CCDC170: variants seen among roughly 807,000 people sequenced by gnomAD.
The protein encoded by CCDC170 is coiled-coil domain containing 170.
Under a neutral mutation model 72.6 loss-of-function variants are expected in CCDC170, and 69 were observed. The ratio of observed to expected loss-of-function variants is 0.95; its 90% CI spans 0.78 to 1.16. The LOEUF is 1.16. Ranked by LOEUF, CCDC170 falls within the 50% of genes most tolerant of loss-of-function variation. The pLI is 0.00. For synonymous variants in CCDC170, 300 were observed against 303.9 expected, an observed-to-expected ratio of 0.99 and a Z score of 0.13; for missense variants, 852 against 832.5, an observed-to-expected ratio of 1.02 and a Z score of -0.29.
chr6:151,541,361 T>C (rs1187690836), intron 3 of CCDC170, among the ~76,000 whole-genome samples: 1 of 152,132 alleles, frequency 6.6e-6, no homozygotes, highest in Non-Finnish European at 1.5e-5. Flanking sequence ...TCTTTCCAAA[T>C]AGAACATAAG....
rs116819735 is a variant in CCDC170, at chr6:151,561,593, A to G, written c.775-11581A>G. Among the ~76,000 whole-genome samples, 464 of 152,188 alleles carry G rather than the reference A, an allele frequency of 3.0e-3. 1 individual carries two copies. The Middle Eastern group carries it at 0.031, about 10-fold the overall frequency. On this transcript the variant is annotated intron_variant, in intron 5 of 10. Transcript: ENST00000239374. The stretch of plus-strand genomic sequence containing the variant: ...CTGAGAAGTCTACTATTAATTTAAT[A>G]GGTTTTCTTCTCTAGGTAATTTGGC...
chr6:151,564,201 G>C (rs564828511), intron 5 of CCDC170, among the ~76,000 whole-genome samples: 1 of 152,210 alleles, frequency 6.6e-6, no homozygotes, highest in African/African-American at 2.4e-5. Flanking sequence ...TGTGATGTTG[G>C]TTGGGTAGGG....
At chr6:151,505,554 G>A (rs1425014500) in intron 1 of CCDC170, among the ~76,000 whole-genome samples, 1 of 152,036 alleles carries the variant, frequency 6.6e-6, no homozygotes, top group Non-Finnish European at 1.5e-5. Flanking sequence ...CGTGGTGGCT[G>A]GTGCCTGCAG....
Position 151,494,134 on chromosome 6 carries a change from C to T in CCDC170, c.6C>T (p.Ser2=), listed in dbSNP as rs1432994793. 2.0e-6 allele frequency: 3 copies of T among 1,513,398 alleles called. No individual in the cohort carries two copies. Among genetic ancestry groups the T allele is most frequent in the East Asian group, 2.8e-5 (1 of 35,842 alleles). 93.7% of individuals were successfully genotyped at this position (1,513,398 alleles called of 1,614,324 possible). The stretch of plus-strand genomic sequence containing the variant: ...GCCCCCGGGCTCGGGTCGTCATGAG[C>T]CTGGACTGCACCAGCCATATCGCGC... M[S]LDCTSHIALG... is the part of the protein sequence containing the mutation. The change falls in exon 1 of 11, where the codon AGC becomes AGT. Residue 2 remains serine (S), a synonymous_variant. Coordinates refer to ENST00000239374, the MANE Select transcript of CCDC170 (RefSeq NM_025059.4).
chr6:151,509,188 C>A (rs926016781), intron 1 of CCDC170, among the ~76,000 whole-genome samples: 5 of 151,532 alleles, frequency 3.3e-5, no homozygotes, highest in African/African-American at 1.2e-4. Flanking sequence ...CTCTCTCCCC[C>A]CTTTCGCTCT....
intron 6 of CCDC170, among the ~76,000 whole-genome samples, chr6:151,584,635 G>A (rs370678201): frequency 6.6e-6 from 1 of 152,148 alleles, no homozygotes; most frequent in South Asian, 2.1e-4. Context: ...GTGGTTAAAA[G>A]AAATTTCATG....
rs1234355306 is a variant in CCDC170, at chr6:151,618,209, T to C, written c.*62T>C. ...GGCACACAATTCCCAATTTCACAAA[T>C]TCCTCATGTCTTTGAGATTTGATCA... On this transcript the variant is annotated 3_prime_UTR_variant, in exon 11 of 11. Coordinates refer to ENST00000239374, the MANE Select transcript of CCDC170 (RefSeq NM_025059.4). The C allele has an allele frequency of 2.9e-6, 4 of 1,386,648 alleles. No individual in the cohort carries two copies. The African/African-American group carries it at 5.7e-5, about 20-fold the overall frequency. 85.9% of individuals were successfully genotyped at this position (1,386,648 alleles called of 1,614,324 possible).
chr6:151,607,542 T>C (rs1424364985), intron 9 of CCDC170, among the ~76,000 whole-genome samples: 1 of 152,238 alleles, frequency 6.6e-6, no homozygotes, highest in Admixed American at 6.5e-5. Context: ...ACATTTCTTC[T>C]TGCGCTTGTC....
rs1008524489 is a variant in CCDC170 at position 151,618,249 on chromosome 6, T to C, written c.*102T>C. On this transcript the variant is annotated 3_prime_UTR_variant, in exon 11 of 11. Coordinates refer to ENST00000239374, the MANE Select transcript of CCDC170 (RefSeq NM_025059.4). ...AGATTTGATCAGTTTGTGAATATTT[T>C]ATGCTTTGATGATATAGTGAGAATG... 1 of 1,055,262 alleles carries C rather than the reference T, an allele frequency of 9.5e-7. No homozygotes were observed. The highest frequency in any genetic ancestry group is 1.6e-5 in the African/African-American group (1 of 63,176). 65.4% of individuals were successfully genotyped at this position (1,055,262 alleles called of 1,614,324 possible).
At chr6:151,508,201 T>C (rs1219592692) in intron 1 of CCDC170, among the ~76,000 whole-genome samples, 1 of 152,182 alleles carries the variant, frequency 6.6e-6, no homozygotes, top group Admixed American at 6.5e-5. Flanking sequence ...TTTAAATCAA[T>C]AGCTTATTAA....
At chr6:151,552,719 A>G (rs1422901806) in intron 5 of CCDC170, among the ~76,000 whole-genome samples, 1 of 150,712 alleles carries the variant, frequency 6.6e-6, no homozygotes, top group East Asian at 2.0e-4. Context: ...TGAAGAAGTC[A>G]TCACAGGCTT....
intron 5 of CCDC170, among the ~76,000 whole-genome samples, chr6:151,570,675 G>T (rs997473040): frequency 2.0e-5 from 3 of 152,142 alleles, no homozygotes; most frequent in Non-Finnish European, 4.4e-5. Flanking sequence ...AGGAACGACC[G>T]TAGTTTCCAA....
intron 1 of CCDC170, among the ~76,000 whole-genome samples, chr6:151,506,049 T>C (rs1018689974): frequency 1.9e-4 from 29 of 152,288 alleles, no homozygotes; most frequent in Non-Finnish European, 1.5e-4. Flanking sequence ...TGCAGTGAGC[T>C]ATGATTTGTA....
chr6:151,618,675 G>A lies in CCDC170; in HGVS notation c.*528G>A, dbSNP rs1777010102. The A allele has an allele frequency of 6.3e-6, 1 of 158,130 alleles. No homozygotes were observed. Among genetic ancestry groups the A allele is most frequent in the African/African-American group, 2.4e-5 (1 of 41,450 alleles). The allele number at this position is 158,130 out of a possible 1,614,324, so 9.8% of individuals were successfully genotyped here. ...TCCTGAATCTCTGTGATGCTGGTGG[G>A]AATTGTTTGCATAGAGGAAGGACAA... On this transcript the variant is annotated 3_prime_UTR_variant, in exon 11 of 11. Transcript: ENST00000239374.
Position 151,605,753 on chromosome 6 carries a change from C to T in CCDC170, c.1710+9176C>T, listed in dbSNP as rs543982732. Among the ~76,000 whole-genome samples the T allele has an allele frequency of 5.9e-5, 9 of 152,174 alleles. 1 individual carries two copies. In the South Asian group the frequency reaches 6.2e-4, roughly 11 times the overall value. ...TCTTACTCTCTGTTTAGAGTTTTTT[C>T]ACTTCTCTCTGGCTCCAGGAACTGT... is the stretch of plus-strand genomic sequence containing the variant. On this transcript the variant is annotated intron_variant, in intron 9 of 10. Coordinates refer to ENST00000239374, the MANE Select transcript of CCDC170 (RefSeq NM_025059.4).
intron 5 of CCDC170, among the ~76,000 whole-genome samples, chr6:151,566,691 T>C (rs929347828): frequency 2.6e-5 from 4 of 152,202 alleles, no homozygotes; most frequent in African/African-American, 9.6e-5. Context: ...ATTAGTATAA[T>C]GAATCACTAG....
intron 5 of CCDC170, among the ~76,000 whole-genome samples, chr6:151,550,126 T>C (rs980150365): frequency 6.6e-6 from 1 of 152,248 alleles, no homozygotes; most frequent in Admixed American, 6.5e-5. Context: ...TTTAACATTG[T>C]ATAATCCCTT....
chr6:151,588,663 G>A (rs1280073032), intron 7 of CCDC170, among the ~76,000 whole-genome samples: 1 of 152,162 alleles, frequency 6.6e-6, no homozygotes, highest in Non-Finnish European at 1.5e-5. Context: ...AATATTGGCT[G>A]GGTTTGGTGG....
rs1776451742 is a variant in CCDC170 at position 151,586,422 on chromosome 6, G to C, written c.1293+333G>C. 2.0e-5 allele frequency among the ~76,000 whole-genome samples: 3 copies of C among 151,000 alleles called. No individual in the cohort carries two copies. In the South Asian group the frequency reaches 6.2e-4, roughly 31 times the overall value. On this transcript the variant is annotated intron_variant, in intron 7 of 10. Transcript: ENST00000239374. Reference sequence around the variant, plus strand: ...TTTGCTGTACTATAAGTTTACACATGTTATATGTATTGAATTAATAAAGTG... The same window carrying C: ...TTTGCTGTACTATAAGTTTACACATCTTATATGTATTGAATTAATAAAGTG...
Sources: gnomAD v4.1 joint callset for allele counts (sites outside exome capture counted in the v4.1 genomes callset) on GRCh38, gnomAD v4.1.1 for gene constraint, MANE v1.5 for transcripts, NCBI Gene and HGNC (gene_info 2026-07-23, HGNC 2026-07-21) for gene names.